DAB1: variants seen among roughly 807,000 people sequenced by gnomAD.
The protein encoded by DAB1 is disabled homolog 1.
Under a neutral mutation model 64.6 loss-of-function variants are expected in DAB1, and 15 were observed. The ratio of observed to expected loss-of-function variants is 0.23; its 90% CI spans 0.16 to 0.36. The LOEUF (loss-of-function observed/expected upper bound fraction) is 0.36. DAB1 is among the 10% of genes least tolerant of loss of function. The pLI is 1.00. For missense variants in DAB1, 596 were observed against 706.7 expected (o/e 0.84, Z 1.78); for synonymous variants, 235 against 251.9 (o/e 0.93, Z 0.64).
At chr1:57,113,333 C>T (rs928615214) in intron 4 of DAB1, among the ~76,000 whole-genome samples, 1 of 152,116 alleles carries the variant, frequency 6.6e-6, no homozygotes, top group African/African-American at 2.4e-5. Flanking sequence ...GAATTTGAGG[C>T]TATTTAAGGA....
At chr1:57,945,268 A>T (rs1338484381) in intron 5 of DAB1, among the ~76,000 whole-genome samples, 1 of 151,874 alleles carries the variant, frequency 6.6e-6, no homozygotes, top group Non-Finnish European at 1.5e-5. Flanking sequence ...CATCATCACC[A>T]TCATCATTAG....
At chr1:58,029,945 A>C (rs12033353) in intron 5 of DAB1, among the ~76,000 whole-genome samples, 69,995 of 151,980 alleles carry the variant, frequency 0.46, 16,444 homozygotes, top group African/African-American at 0.53. Flanking sequence ...GTGGCTCATG[A>C]CTATAATCCT....
intron 8 of DAB1, among the ~76,000 whole-genome samples, chr1:57,067,942 C>T (rs568744557): frequency 6.6e-6 from 1 of 152,242 alleles, no homozygotes; most frequent in Admixed American, 6.5e-5. Context: ...AGGTAAGTGC[C>T]TTGCCCACTA....
chr1:58,041,626 G>C (rs1022712558), intron 5 of DAB1, among the ~76,000 whole-genome samples: 4 of 152,180 alleles, frequency 2.6e-5, no homozygotes, highest in Admixed American at 2.0e-4. Flanking sequence ...GAGATTCCAA[G>C]TCAGTCTGGC....
At chr1:58,154,489 C>G (rs1655117277) in intron 4 of DAB1, among the ~76,000 whole-genome samples, 1 of 149,870 alleles carries the variant, frequency 6.7e-6, no homozygotes, top group African/African-American at 2.5e-5. Context: ...CATTCATTAG[C>G]AATGTGCTAG....
At chr1:57,081,627 G>A (rs555589770) in intron 4 of DAB1, among the ~76,000 whole-genome samples, 10 of 150,684 alleles carry the variant, frequency 6.6e-5, no homozygotes, top group South Asian at 2.1e-4. Context: ...GTTTTCCATC[G>A]CTTGCAACTG....
At chr1:58,075,922 A>C (rs1325401738) in intron 5 of DAB1, among the ~76,000 whole-genome samples, 1 of 146,732 alleles carries the variant, frequency 6.8e-6, no homozygotes, top group Non-Finnish European at 1.5e-5. Flanking sequence ...TATCTGTTAC[A>C]AGTCTTTCTC....
chr1:57,444,974 T>G (rs1686083350), intron 7 of DAB1, among the ~76,000 whole-genome samples: 1 of 152,174 alleles, frequency 6.6e-6, no homozygotes. Context: ...AATGAATGAG[T>G]GTTCATCGAC....
intron 4 of DAB1, among the ~76,000 whole-genome samples, chr1:57,086,774 C>T (rs1653132307): frequency 6.6e-6 from 1 of 152,038 alleles, no homozygotes; most frequent in African/African-American, 2.4e-5. Context: ...ATTAGCTGCA[C>T]TGGCAGTTTT....
chr1:57,198,694 T>C (rs1664850656), intron 2 of DAB1, among the ~76,000 whole-genome samples: 1 of 111,090 alleles, frequency 9.0e-6, no homozygotes, highest in East Asian at 2.8e-4. Context: ...CACACACCCA[T>C]CAACTTTTCC....
chr1:57,420,611 T>C (rs1017287696), intron 1 of DAB1, among the ~76,000 whole-genome samples: 3 of 152,248 alleles, frequency 2.0e-5, no homozygotes, highest in African/African-American at 7.2e-5. Context: ...CAATTCCAAA[T>C]GCCATCCACT....
chr1:57,473,750 G>T (rs907365047), intron 7 of DAB1, among the ~76,000 whole-genome samples: 7 of 152,092 alleles, frequency 4.6e-5, no homozygotes, highest in Admixed American at 1.3e-4. Flanking sequence ...CTATGCATCC[G>T]ATCTGCATAC....
intron 2 of DAB1, among the ~76,000 whole-genome samples, chr1:57,165,932 A>C (rs957634050): frequency 5.3e-5 from 8 of 152,234 alleles, no homozygotes; most frequent in Non-Finnish European, 7.4e-5. Context: ...GCACCGAGGA[A>C]GAGTTAGACA....
chr1:57,751,430 G>A (rs1337766447), intron 6 of DAB1, among the ~76,000 whole-genome samples: 2 of 152,022 alleles, frequency 1.3e-5, no homozygotes, highest in Non-Finnish European at 2.9e-5. Flanking sequence ...AGCAGCAACT[G>A]GAGGGGGATG....
At chr1:57,768,517 C>T (rs945112113) in intron 6 of DAB1, among the ~76,000 whole-genome samples, 4 of 150,552 alleles carry the variant, frequency 2.7e-5, no homozygotes, top group Non-Finnish European at 4.4e-5. Context: ...CACATAGTCA[C>T]ATATACAGAT....
At chr1:57,603,292 T>A (rs1412443331) in intron 7 of DAB1, among the ~76,000 whole-genome samples, 1 of 152,184 alleles carries the variant, frequency 6.6e-6, no homozygotes, top group African/African-American at 2.4e-5. Context: ...GGTGGCACAG[T>A]GCCTGTCAGT....
chr1:57,114,823 G>A (rs1306293196), intron 4 of DAB1, among the ~76,000 whole-genome samples: 1 of 152,196 alleles, frequency 6.6e-6, no homozygotes, highest in African/African-American at 2.4e-5. Context: ...GCAAGACCTG[G>A]TGGTCATGAC....
intron 3 of DAB1, among the ~76,000 whole-genome samples, chr1:58,401,489 A>G (rs764193023): frequency 1.1e-4 from 16 of 152,156 alleles, no homozygotes; most frequent in Admixed American, 3.3e-4. Flanking sequence ...CCAGCACATC[A>G]TATCTCCATC....
chr1:58,432,849 T>A (rs1644894580), intron 3 of DAB1, among the ~76,000 whole-genome samples: 1 of 152,202 alleles, frequency 6.6e-6, no homozygotes, highest in South Asian at 2.1e-4. Context: ...TGGGCTTCTT[T>A]CAGGGCTCCA....
Sources: gnomAD v4.1 joint callset for allele counts (sites outside exome capture counted in the v4.1 genomes callset) on GRCh38, gnomAD v4.1.1 for gene constraint, MANE v1.5 for transcripts, NCBI Gene and HGNC (gene_info 2026-07-23, HGNC 2026-07-21) for gene names.